The following FAF1 variants were observed in gnomAD, a reference collection of about 807,000 sequenced individuals.
The protein encoded by FAF1 is FAS-associated factor 1.
A neutral mutation model predicts 92.5 loss-of-function variants in FAF1; 25 were observed. The observed-to-expected ratio is 0.27, with a 90% CI of 0.20 to 0.38. The LOEUF is 0.38. Among genes scored for constraint, FAF1 ranks in the 10% least tolerant of loss-of-function variants. FAF1 has a pLI of 1.00. For synonymous variants in FAF1, 234 were observed against 273.2 expected (o/e 0.86, Z 1.42); for missense variants, 636 against 793.3 (o/e 0.80, Z 2.38).
intron 17 of FAF1, 88 bp downstream of exon 17, chr1:50,490,500 A>C (rs1646825693): frequency 1.4e-6 from 1 of 692,644 alleles, no homozygotes; most frequent in Non-Finnish European, 2.6e-6. Context: ...GAAAGGAAGG[A>C]AGGAAGGAAG....
chr1:50,593,263 G>A (rs1213685563), intron 9 of FAF1, among the ~76,000 whole-genome samples: 3 of 152,152 alleles, frequency 2.0e-5, no homozygotes, highest in African/African-American at 7.2e-5. Flanking sequence ...CACAAACACT[G>A]CTCTTCACTA....
chr1:50,738,420 GC>G (rs1401559820), intron 6 of FAF1, among the ~76,000 whole-genome samples: 1 of 135,512 alleles, frequency 7.4e-6, no homozygotes, highest in African/African-American at 2.9e-5. Context: ...CTCAGTCTGG[GC>G]AACAAGAGTG....
At chr1:50,886,493 A>C (rs12059529) in intron 1 of FAF1, among the ~76,000 whole-genome samples, 1 of 151,918 alleles carries the variant, frequency 6.6e-6, no homozygotes. Flanking sequence ...CTCGTCATTT[A>C]CACTAGCTAT....
Position 50,744,732 on chromosome 1 carries a change from C to T in FAF1, c.411G>A (p.Val137=), listed in dbSNP as rs2124496135. The change falls in exon 5 of 19, where the codon GTG becomes GTA. Residue 137 remains valine (V), a synonymous_variant. Coordinates refer to ENST00000396153, the MANE Select transcript of FAF1 (RefSeq NM_007051.3). ...TCCAGCCTTTTAACAGCATTTTGGA[C>T]ACAGGTATCTGAAGTTCATTTTCTA... ...QILENELQIP[V]SKMLLKGWKT... The T allele has an allele frequency of 5.6e-6, 9 of 1,611,274 alleles. No homozygotes were observed. The highest frequency in any genetic ancestry group is 3.3e-4 in the Middle Eastern group (2 of 6,048).
chr1:50,880,564 A>G (rs982645016), intron 1 of FAF1, among the ~76,000 whole-genome samples: 3 of 152,238 alleles, frequency 2.0e-5, no homozygotes, highest in Non-Finnish European at 2.9e-5. Flanking sequence ...CACACCAAGG[A>G]AAGTCATATG....
chr1:50,874,794 G>A (rs148716590), intron 1 of FAF1, among the ~76,000 whole-genome samples: 1 of 117,242 alleles, frequency 8.5e-6, no homozygotes, highest in African/African-American at 3.2e-5. Flanking sequence ...TTTGGAGACA[G>A]GGTCTCACTC....
At chr1:50,944,586 C>T (rs1645159523) in intron 1 of FAF1, among the ~76,000 whole-genome samples, 1 of 152,152 alleles carries the variant, frequency 6.6e-6, no homozygotes, top group Non-Finnish European at 1.5e-5. Context: ...AGGGAATTTG[C>T]ATAAAACCTA....
intron 6 of FAF1, among the ~76,000 whole-genome samples, chr1:50,723,731 G>A (rs927958133): frequency 6.6e-6 from 1 of 152,056 alleles, no homozygotes; most frequent in African/African-American, 2.4e-5. Context: ...GGGCAACACA[G>A]CAAAACCCCA....
rs1645306968 is a variant in FAF1, at chr1:50,960,226, C to T, written c.-415G>A. ...CGGGCGAACGCCGCGGCCGCCTCCG[C>T]CTCCTCCGCTTCCTCCCTGGCCGCC... On this transcript the variant is annotated 5_prime_UTR_variant, in exon 1 of 19. Coordinates refer to ENST00000396153, the MANE Select transcript of FAF1 (RefSeq NM_007051.3). The T allele has an allele frequency of 9.0e-6, 3 of 334,484 alleles. No individual in the cohort carries two copies. Among genetic ancestry groups the T allele is most frequent in the East Asian group, 8.3e-5 (2 of 23,962 alleles). 20.7% of individuals were successfully genotyped at this position (334,484 alleles called of 1,614,324 possible).
At chr1:50,787,758 C>G (rs996904884) in intron 4 of FAF1, among the ~76,000 whole-genome samples, 6 of 151,896 alleles carry the variant, frequency 4.0e-5, no homozygotes, top group African/African-American at 1.5e-4. Flanking sequence ...TTTGCATCAG[C>G]CCTAAAACAG....
At chr1:50,550,634 G>C (rs879350665) in intron 13 of FAF1, among the ~76,000 whole-genome samples, 20 of 151,866 alleles carry the variant, frequency 1.3e-4, no homozygotes, top group Non-Finnish European at 2.1e-4. Context: ...GAGTATTTAA[G>C]GACCACATCA....
chr1:50,739,192 C>T (rs1438017078), intron 5 of FAF1, among the ~76,000 whole-genome samples: 2 of 151,552 alleles, frequency 1.3e-5, no homozygotes, highest in African/African-American at 4.9e-5. Context: ...ATGTATACAA[C>T]ATTCAGGTTT....
chr1:50,825,540 T>C (rs1644088659), intron 2 of FAF1, among the ~76,000 whole-genome samples: 1 of 151,600 alleles, frequency 6.6e-6, no homozygotes, highest in Non-Finnish European at 1.5e-5. Context: ...CAAAACAGAA[T>C]TAAAAAAATA....
chr1:50,905,245 C>T (rs981901396), intron 1 of FAF1, among the ~76,000 whole-genome samples: 9 of 152,164 alleles, frequency 5.9e-5, no homozygotes, highest in African/African-American at 2.2e-4. Context: ...CATAGTATCC[C>T]ATGGTGTACA....
chr1:50,941,658 G>A (rs1645134063), intron 1 of FAF1, among the ~76,000 whole-genome samples: 1 of 152,092 alleles, frequency 6.6e-6, no homozygotes, highest in Non-Finnish European at 1.5e-5. Context: ...AGCCAAGTTT[G>A]GATGCATTTG....
chr1:50,634,158 T>C lies in FAF1; in HGVS notation c.744+21284A>G, dbSNP rs948672003. On this transcript the variant is annotated intron_variant, in intron 8 of 18. Coordinates refer to ENST00000396153, the MANE Select transcript of FAF1 (RefSeq NM_007051.3). ...GCTACTTACCATGCATAAATGTTCA[T>C]TTTCAGCCTTCCTTTTGGGTGAGAA... 1.1e-4 allele frequency among the ~76,000 whole-genome samples: 16 copies of C among 152,334 alleles called. No homozygotes were observed. In the South Asian group the frequency reaches 2.5e-3, roughly 24 times the overall value.
intron 6 of FAF1, chr1:50,706,180 C>A (rs559800558): frequency 3.8e-6 from 1 of 266,126 alleles, no homozygotes; most frequent in Non-Finnish European, 7.1e-6. Context: ...TATCTGCATA[C>A]GTATCTCCTC....
intron 1 of FAF1, among the ~76,000 whole-genome samples, chr1:50,908,163 T>A (rs2124717796): frequency 6.6e-6 from 1 of 152,368 alleles, no homozygotes. Flanking sequence ...TTGTTCAGTT[T>A]CCATGTAGTT....
intron 2 of FAF1, among the ~76,000 whole-genome samples, chr1:50,816,946 T>A (rs917388967): frequency 6.6e-6 from 1 of 152,226 alleles, no homozygotes; most frequent in African/African-American, 2.4e-5. Flanking sequence ...AGGAGTCCTT[T>A]CTTCGTTGCT....
Sources: allele counts gnomAD v4.1 joint callset (sites outside exome capture counted in the v4.1 genomes callset), GRCh38; gene constraint gnomAD v4.1.1; transcripts MANE v1.5; gene names NCBI Gene and HGNC (gene_info 2026-07-23, HGNC 2026-07-21).